The following USP34 variants were observed in gnomAD, a reference collection of about 807,000 sequenced individuals.
The protein encoded by USP34 is ubiquitin specific peptidase 34.
USP34 carries 70 observed loss-of-function variants against 460.3 expected under a neutral mutation model. The observed-to-expected ratio is 0.15, with a 90% CI of 0.13 to 0.19. The LOEUF (loss-of-function observed/expected upper bound fraction) is 0.19. Ranked by LOEUF, USP34 falls within the 10% of genes least tolerant of loss-of-function variation. USP34 has a pLI of 1.00. For missense variants in USP34, 3,985 were observed against 4,236.2 expected, an observed-to-expected ratio of 0.94 and a Z score of 1.65; for synonymous variants, 1,647 against 1,405.3, an observed-to-expected ratio of 1.17 and a Z score of -3.85.
chr2:61,426,075 C>A (rs894935226), intron 1 of USP34, among the ~76,000 whole-genome samples: 3 of 152,084 alleles, frequency 2.0e-5, no homozygotes, highest in Non-Finnish European at 4.4e-5. Context: ...AGCCCTTGGG[C>A]CCTGAATAAC....
At chr2:61,290,932 G>C (rs1558512430) in intron 33 of USP34, among the ~76,000 whole-genome samples, 1 of 152,008 alleles carries the variant, frequency 6.6e-6, no homozygotes, top group Non-Finnish European at 1.5e-5. Context: ...ACATCAAAAG[G>C]ACAAGCACAA....
In USP34 at chr2:61,242,870, C is replaced by T. The variant is rs115573829; in HGVS notation, c.6628-1051G>A. Among the ~76,000 whole-genome samples, 898 of 152,138 alleles carry T rather than the reference C, an allele frequency of 5.9e-3. 9 individuals carry two copies. The highest frequency in any genetic ancestry group is 0.021 in the African/African-American group (856 of 41,498). On this transcript the variant is annotated intron_variant, in intron 51 of 79. Coordinates refer to ENST00000398571, the MANE Select transcript of USP34 (RefSeq NM_014709.4). ...TCAAAACATTTTTTTTTCTTTGAGA[C>T]GGAGTTTTGCTCATCTCCCAGGCTG...
intron 2 of USP34, among the ~76,000 whole-genome samples, chr2:61,415,370 A>G (rs1387453633): frequency 1.3e-5 from 2 of 152,188 alleles, no homozygotes; most frequent in African/African-American, 2.4e-5. Flanking sequence ...TACACCAAGA[A>G]AGAGAGAACA....
chr2:61,411,158 G>C (rs1222650731), intron 2 of USP34, among the ~76,000 whole-genome samples: 1 of 152,086 alleles, frequency 6.6e-6, no homozygotes, highest in African/African-American at 2.4e-5. Flanking sequence ...GCAGAGGCAG[G>C]AGGATCGCTT....
chr2:61,307,834 G>T (rs969643773), intron 27 of USP34, among the ~76,000 whole-genome samples: 1 of 152,070 alleles, frequency 6.6e-6, no homozygotes, highest in Non-Finnish European at 1.5e-5. Context: ...GATAGCTTGA[G>T]ACCAGGAGTT....
intron 48 of USP34, among the ~76,000 whole-genome samples, chr2:61,249,233 G>T (rs761318356): frequency 3.9e-5 from 6 of 152,110 alleles, no homozygotes; most frequent in Non-Finnish European, 7.4e-5. Context: ...AACTGTTAAT[G>T]AACACTACTC....
At chr2:61,222,398 CAAT>C (rs56228969) in intron 65 of USP34, among the ~76,000 whole-genome samples, 4,400 of 152,230 alleles carry the variant, frequency 0.029, 94 homozygotes, top group Non-Finnish European at 0.044. Context: ...CACTCTGATA[CAAT>C]GAGTCTATAC....
intron 21 of USP34, among the ~76,000 whole-genome samples, chr2:61,323,312 C>G (rs1020089326): frequency 6.6e-6 from 1 of 152,000 alleles, no homozygotes; most frequent in Non-Finnish European, 1.5e-5. Flanking sequence ...GAGATCGAGA[C>G]CATCCTGGCT....
chr2:61,237,711 G>T (rs1462846940), intron 53 of USP34, among the ~76,000 whole-genome samples: 1 of 150,804 alleles, frequency 6.6e-6, no homozygotes, highest in African/African-American at 2.4e-5. Context: ...TGGGACCACA[G>T]GTGCGTGCCA....
chr2:61,208,159 T>C (rs1255657535), intron 70 of USP34: 4 of 152,212 alleles, frequency 2.6e-5, no homozygotes, highest in African/African-American at 4.8e-5. Flanking sequence ...CAAATCGGCC[T>C]CTCATACTAT....
chr2:61,379,059 T>C (rs993941630), intron 7 of USP34, among the ~76,000 whole-genome samples: 2 of 151,786 alleles, frequency 1.3e-5, no homozygotes, highest in East Asian at 1.9e-4. Flanking sequence ...TATGTCATTA[T>C]AGACAAAGTT....
intron 53 of USP34, among the ~76,000 whole-genome samples, chr2:61,239,084 T>A (rs1688156050): frequency 6.6e-6 from 1 of 152,058 alleles, no homozygotes; most frequent in African/African-American, 2.4e-5. Context: ...GACGGCAAAC[T>A]TAATACATGT....
chr2:61,369,599 C>T (rs1483834527), intron 10 of USP34, among the ~76,000 whole-genome samples: 4 of 136,972 alleles, frequency 2.9e-5, no homozygotes, highest in Non-Finnish European at 6.1e-5. Context: ...GCCAAGACTG[C>T]GCCATGGCAT....
At chr2:61,305,883 G>A (rs1316971262) in intron 27 of USP34, among the ~76,000 whole-genome samples, 1 of 152,018 alleles carries the variant, frequency 6.6e-6, no homozygotes, top group Non-Finnish European at 1.5e-5. Flanking sequence ...CAATTTTAAA[G>A]TTCTAAAACA....
intron 18 of USP34, among the ~76,000 whole-genome samples, chr2:61,334,689 A>G (rs1046783434): frequency 3.3e-5 from 5 of 152,202 alleles, no homozygotes; most frequent in East Asian, 1.9e-4. Context: ...GGAAGCAAGT[A>G]TATGTTTGAC....
rs189365073 is a variant in USP34, at chr2:61,450,513, A to G, written c.43+20137T>C. On this transcript the variant is annotated intron_variant, in intron 1 of 79. Transcript: ENST00000398571. ...TCACTATAGCTGTTAAAAAAATTATAAAGTATGGGAGGCTGAGGTAGGGAG... is the reference window on the plus strand; with the variant it reads ...TCACTATAGCTGTTAAAAAAATTATGAAGTATGGGAGGCTGAGGTAGGGAG... Among the ~76,000 whole-genome samples the G allele has an allele frequency of 5.3e-5, 8 of 152,170 alleles. No individual in the cohort carries two copies. The East Asian group carries it at 9.7e-4, about 18-fold the overall frequency.
intron 33 of USP34, among the ~76,000 whole-genome samples, chr2:61,289,517 A>T (rs953698462): frequency 6.6e-6 from 1 of 152,136 alleles, no homozygotes; most frequent in Non-Finnish European, 1.5e-5. Flanking sequence ...TCACTTATGT[A>T]CAAGATGAGA....
chr2:61,421,404 A>C (rs990940960), intron 1 of USP34, among the ~76,000 whole-genome samples: 1 of 152,198 alleles, frequency 6.6e-6, no homozygotes, highest in African/African-American at 2.4e-5. Context: ...GAGAACATTC[A>C]GTTCTCATTA....
chr2:61,424,507 G>C (rs556487194), intron 1 of USP34, among the ~76,000 whole-genome samples: 2 of 152,214 alleles, frequency 1.3e-5, no homozygotes, highest in African/African-American at 4.8e-5. Context: ...TTTCAGTTTT[G>C]TCACATGAAA....
Sources: gnomAD v4.1 joint callset for allele counts (sites outside exome capture counted in the v4.1 genomes callset) on GRCh38, gnomAD v4.1.1 for gene constraint, MANE v1.5 for transcripts, NCBI Gene and HGNC (gene_info 2026-07-23, HGNC 2026-07-21) for gene names.